The following TLCD4 variants were observed in gnomAD, a reference collection of about 807,000 sequenced individuals.
TLCD4 encodes the protein TLC domain containing 4, also known as TLC domain-containing protein 4.
A neutral mutation model predicts 24.2 loss-of-function variants in TLCD4; 7 were observed. The ratio of observed to expected loss-of-function variants is 0.29; its 90% CI spans 0.16 to 0.54. The LOEUF (loss-of-function observed/expected upper bound fraction) is 0.54, where lower values mean the gene tolerates loss of function less well. TLCD4 is among the 20% of genes least tolerant of loss of function. TLCD4 has a pLI of 0.95. For synonymous variants in TLCD4, 103 were observed against 106.4 expected, an observed-to-expected ratio of 0.97 and a Z score of 0.20; for missense variants, 259 against 313.9, an observed-to-expected ratio of 0.82 and a Z score of 1.32.
At chr1:95,106,890 G>C in the TLCD4 span, among the ~76,000 whole-genome samples, 1 of 152,298 alleles carries the variant, frequency 6.6e-6, no homozygotes, top group Admixed American at 6.5e-5. Context: ...TCTGAATGCA[G>C]CATATGCATT....
At chr1:95,109,912 C>CATATATAT in the TLCD4 span, among the ~76,000 whole-genome samples, 2 of 80,256 alleles carry the variant, frequency 2.5e-5, no homozygotes, top group African/African-American at 4.6e-5. Flanking sequence ...TGTGTGTATG[C>CATATATAT]ATATATATAT....
chr1:95,178,368 T>C (rs1294455161), intron 6 of TLCD4, among the ~76,000 whole-genome samples: 1 of 152,186 alleles, frequency 6.6e-6, no homozygotes, highest in Non-Finnish European at 1.5e-5. Context: ...CAAACGGTTC[T>C]CCTGCCTCAG....
At chr1:95,190,295 G>A (rs1678981897) in intron 6 of TLCD4, among the ~76,000 whole-genome samples, 1 of 150,898 alleles carries the variant, frequency 6.6e-6, no homozygotes, top group Non-Finnish European at 1.5e-5. Flanking sequence ...TAGAGATGGG[G>A]TTTCGCCATT....
chr1:95,174,705 T>G (rs906968752), intron 6 of TLCD4, among the ~76,000 whole-genome samples: 3 of 152,080 alleles, frequency 2.0e-5, no homozygotes, highest in African/African-American at 7.2e-5. Context: ...TTTAAAAGAC[T>G]ACTTTTATTT....
chr1:95,185,100 T>G (rs2086800111), intron 6 of TLCD4, among the ~76,000 whole-genome samples: 1 of 152,134 alleles, frequency 6.6e-6, no homozygotes, highest in Non-Finnish European at 1.5e-5. Flanking sequence ...CTAATTTCTT[T>G]TGTAGAGTTG....
Position 95,191,517 on chromosome 1 carries a change from A to G in TLCD4, c.474-33A>G, listed in dbSNP as rs1367408703. ...AATGGTTAATCCTCAGAGATGCACT[A>G]TAAATGTGATGTTTCTTTAATTCAT... On this transcript the variant is annotated intron_variant, in intron 6 of 6. Transcript: ENST00000370203. 4 of 1,580,790 alleles carry G rather than the reference A, an allele frequency of 2.5e-6. No individual in the cohort carries two copies. In the Admixed American group the frequency reaches 7.5e-5, roughly 29 times the overall value.
At chr1:95,187,584 G>T (rs1233867418) in intron 6 of TLCD4, among the ~76,000 whole-genome samples, 1 of 152,080 alleles carries the variant, frequency 6.6e-6, no homozygotes, top group African/African-American at 2.4e-5. Flanking sequence ...CACATATTAG[G>T]ACTGCATGCT....
chr1:95,126,366 T>C (rs2100907912), intron 1 of TLCD4, among the ~76,000 whole-genome samples: 1 of 150,138 alleles, frequency 6.7e-6, no homozygotes. Context: ...AGGCAGAGGT[T>C]GCAGTGAGCC....
At chr1:95,121,241 A>G (rs776453199) in intron 1 of TLCD4, 1 of 152,264 alleles carries the variant, frequency 6.6e-6, no homozygotes, top group Non-Finnish European at 1.5e-5. Flanking sequence ...ATGAGGAGAC[A>G]AAAGGACCCA....
chr1:95,117,784 G>C (rs1206538681), intron 1 of TLCD4, 167 bp downstream of exon 1: 2 of 150,928 alleles, frequency 1.3e-5, no homozygotes, highest in Non-Finnish European at 3.0e-5. Context: ...GTGGGCGTCC[G>C]GCGCGCGGGA....
chr1:95,163,474 T>C (rs1677901005), intron 5 of TLCD4: 1 of 152,136 alleles, frequency 6.6e-6, no homozygotes, highest in Non-Finnish European at 1.5e-5. Flanking sequence ...AAGTTTGTTA[T>C]TACTGATCGT....
intron 5 of TLCD4, among the ~76,000 whole-genome samples, chr1:95,153,561 T>C (rs998842913): frequency 3.3e-5 from 5 of 152,164 alleles, no homozygotes; most frequent in Non-Finnish European, 5.9e-5. Context: ...TGCCAATTTA[T>C]CACATCTGCT....
chr1:95,126,611 G>A (rs942137924), intron 1 of TLCD4, among the ~76,000 whole-genome samples: 1 of 152,164 alleles, frequency 6.6e-6, no homozygotes, highest in African/African-American at 2.4e-5. Context: ...ACTCAAGTGG[G>A]TGCCTTCAGC....
intron 1 of TLCD4, among the ~76,000 whole-genome samples, chr1:95,123,555 G>A (rs2100903656): frequency 6.6e-6 from 1 of 152,242 alleles, no homozygotes; most frequent in East Asian, 1.9e-4. Flanking sequence ...CAATATTTAA[G>A]AGAATGAAAA....
At chr1:95,114,887 C>T (rs1676400514), upstream of TLCD4, among the ~76,000 whole-genome samples, 1 of 151,766 alleles carries the variant, frequency 6.6e-6, no homozygotes, top group Non-Finnish European at 1.5e-5. Context: ...TAAATACTTT[C>T]ATTTCTCTGA....
chr1:95,101,673 G>C, the TLCD4 span, among the ~76,000 whole-genome samples: 1 of 152,140 alleles, frequency 6.6e-6, no homozygotes, highest in Non-Finnish European at 1.5e-5. Context: ...TTCTGTTGCA[G>C]GTGGTGTGAA....
upstream of TLCD4, among the ~76,000 whole-genome samples, chr1:95,113,315 G>A (rs973075791): frequency 6.6e-6 from 1 of 152,116 alleles, no homozygotes; most frequent in Non-Finnish European, 1.5e-5. Context: ...CAAAGTGCTG[G>A]GATTACAGGC....
chr1:95,100,708 G>T, the TLCD4 span, among the ~76,000 whole-genome samples: 3 of 152,108 alleles, frequency 2.0e-5, no homozygotes, highest in East Asian at 3.8e-4. Flanking sequence ...GTCTTTTTCA[G>T]ATTTGCTTAA....
the TLCD4 span, among the ~76,000 whole-genome samples, chr1:95,094,733 C>T: frequency 1.3e-3 from 204 of 152,242 alleles, 1 homozygote; most frequent in Non-Finnish European, 2.5e-3. Flanking sequence ...TAAATCCAGC[C>T]CAAATACTGA....
Sources: gnomAD v4.1 joint callset for allele counts (sites outside exome capture counted in the v4.1 genomes callset) on GRCh38, gnomAD v4.1.1 for gene constraint, MANE v1.5 for transcripts, NCBI Gene and HGNC (gene_info 2026-07-23, HGNC 2026-07-21) for gene names.